TMEM114: variants seen among roughly 807,000 people sequenced by gnomAD.
TMEM114 encodes transmembrane protein 114.
TMEM114 carries 6 observed loss-of-function variants against 6.2 expected under a neutral mutation model. That is an observed-to-expected ratio of 0.97 (90% CI 0.53 to 1.91). The LOEUF is 1.91. TMEM114 is among the 40% of genes most tolerant of loss of function. The pLI, the probability that TMEM114 is intolerant of heterozygous loss-of-function variation, is 0.01. For synonymous variants in TMEM114, 104 were observed against 73.0 expected (o/e 1.42, Z -2.16); for missense variants, 218 against 158.3 (o/e 1.38, Z -2.02).
downstream of TMEM114, among the ~76,000 whole-genome samples, chr16:8,537,284 T>C (rs1900388920): frequency 6.6e-6 from 1 of 152,086 alleles, no homozygotes; most frequent in Non-Finnish European, 1.5e-5. Context: ...GCAGATGACC[T>C]GAGATCAGGA....
At chr16:8,565,041 GTGAA>G (rs1249022270), downstream of TMEM114, among the ~76,000 whole-genome samples, 5 of 149,160 alleles carry the variant, frequency 3.4e-5, no homozygotes, top group East Asian at 2.0e-4. Context: ...GAATGAGTGA[GTGAA>G]TGAGTGAGTG....
At chr16:8,533,820 G>A (rs1341895812), downstream of TMEM114, among the ~76,000 whole-genome samples, 2 of 152,174 alleles carry the variant, frequency 1.3e-5, no homozygotes, top group Admixed American at 6.5e-5. Context: ...GTCTCAGATG[G>A]GTTTCCTGTG....
At chr16:8,527,942 G>A in the TMEM114 span, among the ~76,000 whole-genome samples, 9 of 152,218 alleles carry the variant, frequency 5.9e-5, no homozygotes, top group Admixed American at 1.3e-4. Context: ...AAGTCTCCCT[G>A]TGCTGCCCAG....
At chr16:8,561,794 TAGTGAATGAGTGAGTGAAGGAGGG>T (rs1361612998) in intron 2 of TMEM114, among the ~76,000 whole-genome samples, 3 of 144,000 alleles carry the variant, frequency 2.1e-5, no homozygotes, top group Non-Finnish European at 3.0e-5. Flanking sequence ...AATCAGTGAA[TAGTGAATGAGTGAGTGAAGGAGGG>T]AGTGAATGAG....
chr16:8,581,432 C>T (rs550047615), intron 2 of TMEM114, among the ~76,000 whole-genome samples: 4 of 152,282 alleles, frequency 2.6e-5, no homozygotes, highest in African/African-American at 9.6e-5. Flanking sequence ...TTAGAAGACT[C>T]ACATGGCCGA....
intron 1 of TMEM114, 85 bp downstream of exon 1, chr16:8,589,534 C>T (rs994266113): frequency 2.2e-4 from 86 of 398,416 alleles, no homozygotes; most frequent in African/African-American, 1.4e-3. Context: ...GAGGAGTGCG[C>T]GCCAAGCAAC....
chr16:8,542,553 G>A (rs755316129), intron 2 of TMEM114, among the ~76,000 whole-genome samples: 3 of 152,146 alleles, frequency 2.0e-5, no homozygotes, highest in South Asian at 2.1e-4. Context: ...AGAACGATTT[G>A]GCAGGGAGTG....
intron 2 of TMEM114, among the ~76,000 whole-genome samples, chr16:8,540,647 G>A (rs1044978335): frequency 6.6e-6 from 1 of 152,120 alleles, no homozygotes; most frequent in African/African-American, 2.4e-5. Flanking sequence ...AATTTTTATT[G>A]ACCACTCACT....
At chr16:8,555,777 T>G (rs1900990451) in intron 2 of TMEM114, among the ~76,000 whole-genome samples, 1 of 152,168 alleles carries the variant, frequency 6.6e-6, no homozygotes, top group African/African-American at 2.4e-5. Context: ...GGGGATGCAG[T>G]TGGCATCTAC....
In TMEM114 at chr16:8,589,906, G is replaced by A. The variant is rs1902433420; in HGVS notation, c.-68C>T. 2.3e-5 allele frequency: 9 copies of A among 392,160 alleles called. No homozygotes were observed. The highest frequency in any genetic ancestry group is 4.0e-5 in the Non-Finnish European group (9 of 222,394). The allele number at this position is 392,160 out of a possible 1,614,324, so 24.3% of individuals were successfully genotyped here. A position where few individuals can be genotyped will look rare whatever the true frequency, so the allele number is the denominator to read the frequency against. On this transcript the variant is annotated 5_prime_UTR_variant, in exon 1 of 4. It adds an upstream start codon to the 5' untranslated region. Coordinates refer to ENST00000620492, the MANE Select transcript of TMEM114 (RefSeq NM_001146336.2). ...GCGCGACCCCTCTGCTCCTGCCCCC[G>A]TCCCCAGCCGGCCACCGCGGGCTCC...
rs1460744250 is a variant in TMEM114 at position 8,551,377 on chromosome 16, AGCAAG to A, written n.213-13556_213-13552del. On this transcript the variant is annotated intron_variant and non_coding_transcript_variant, in intron 2 of 2. Transcript: ENST00000623677. ...CCTAGTAACGGTGGGACCCTGACTG[AGCAAG>A]TGGCTTAGCCTACACTGTGTAGCCT... 2.0e-5 allele frequency among the ~76,000 whole-genome samples: 3 copies of A among 152,334 alleles called. No individual in the cohort carries two copies. The East Asian group carries it at 5.8e-4, about 29-fold the overall frequency.
chr16:8,527,428 C>T, the TMEM114 span, among the ~76,000 whole-genome samples: 2 of 152,158 alleles, frequency 1.3e-5, no homozygotes, highest in South Asian at 2.1e-4. Context: ...ATCTGAACCT[C>T]AGTCCTCTTG....
intron 2 of TMEM114, among the ~76,000 whole-genome samples, chr16:8,552,103 A>G (rs1230659509): frequency 6.6e-6 from 1 of 152,088 alleles, no homozygotes; most frequent in East Asian, 1.9e-4. Context: ...GACCAGGCAC[A>G]GCGGCTCACA....
chr16:8,553,360 G>A (rs1050084846), intron 2 of TMEM114, among the ~76,000 whole-genome samples: 1 of 152,216 alleles, frequency 6.6e-6, no homozygotes, highest in Non-Finnish European at 1.5e-5. Context: ...GAAAATAGCT[G>A]TAGAGTCCAA....
chr16:8,558,865 C>G (rs1050432486), intron 2 of TMEM114, among the ~76,000 whole-genome samples: 1 of 148,562 alleles, frequency 6.7e-6, no homozygotes, highest in African/African-American at 2.5e-5. Context: ...CTCAGCCTCC[C>G]GAGTAGCTGG....
chr16:8,528,991 A>G, the TMEM114 span, among the ~76,000 whole-genome samples: 1 of 152,216 alleles, frequency 6.6e-6, no homozygotes, highest in African/African-American at 2.4e-5. Flanking sequence ...ATTTCATGAC[A>G]GCTGAGCACA....
chr16:8,534,373 C>T (rs1025392544), downstream of TMEM114, among the ~76,000 whole-genome samples: 13 of 151,186 alleles, frequency 8.6e-5, no homozygotes, highest in African/African-American at 3.2e-4. Flanking sequence ...AGGAATTCTT[C>T]ATGTCCTTTA....
chr16:8,550,479 G>C (rs527677362), intron 2 of TMEM114, among the ~76,000 whole-genome samples: 15 of 152,216 alleles, frequency 9.9e-5, no homozygotes, highest in Non-Finnish European at 1.9e-4. Context: ...AGGAGTTTGA[G>C]AGCAGCCTGA....
At chr16:8,557,367 A>G (rs746441756) in intron 2 of TMEM114, among the ~76,000 whole-genome samples, 17 of 152,238 alleles carry the variant, frequency 1.1e-4, no homozygotes, top group African/African-American at 3.9e-4. Context: ...AGTGTAGCCC[A>G]TGGGGAGAGC....
Sources: allele counts gnomAD v4.1 joint callset (sites outside exome capture counted in the v4.1 genomes callset), GRCh38; gene constraint gnomAD v4.1.1; transcripts MANE v1.5; gene names NCBI Gene and HGNC (gene_info 2026-07-23, HGNC 2026-07-21).